Variants in C6orf62 observed in about 807,000 individuals in gnomAD.
C6orf62 encodes the protein uncharacterized protein C6orf62.
In C6orf62, 16 loss-of-function variants were observed where a neutral mutation model predicts 26.8. The ratio of observed to expected loss-of-function variants is 0.60; its 90% CI spans 0.40 to 0.91. The LOEUF (loss-of-function observed/expected upper bound fraction) is 0.91, where lower values mean the gene tolerates loss of function less well. Among genes scored for constraint, C6orf62 ranks in the 40% least tolerant of loss-of-function variants. The pLI is 0.00. For missense variants in C6orf62, 192 were observed against 271.4 expected, an observed-to-expected ratio of 0.71 and a Z score of 2.06; for synonymous variants, 112 against 91.5, an observed-to-expected ratio of 1.22 and a Z score of -1.28.
intron 1 of C6orf62, among the ~76,000 whole-genome samples, chr6:24,717,847 T>C (rs1460229944): frequency 1.3e-5 from 2 of 152,274 alleles, no homozygotes; most frequent in African/African-American, 2.4e-5. Context: ...CAAAAAATAC[T>C]GCTCTTATCA....
intron 3 of C6orf62, among the ~76,000 whole-genome samples, chr6:24,713,048 G>A (rs1284838334): frequency 3.9e-5 from 6 of 152,090 alleles, no homozygotes; most frequent in African/African-American, 4.8e-5. Flanking sequence ...TTAAATGACC[G>A]AAATACAGAT....
intron 3 of C6orf62, among the ~76,000 whole-genome samples, chr6:24,713,787 A>T (rs1562170206): frequency 6.6e-6 from 1 of 152,226 alleles, no homozygotes; most frequent in Non-Finnish European, 1.5e-5. Context: ...AAATGCCCTT[A>T]ACACTAGAGG....
intron 4 of C6orf62, 122 bp from the exon 5 acceptor site, chr6:24,706,384 T>G: frequency 1.4e-6 from 2 of 1,386,104 alleles, no homozygotes; most frequent in East Asian, 5.0e-5. Flanking sequence ...CAAATTGTAG[T>G]CCCTATCCAT....
At chr6:24,707,772 G>T (rs1779037701) in intron 4 of C6orf62, among the ~76,000 whole-genome samples, 1 of 152,030 alleles carries the variant, frequency 6.6e-6, no homozygotes, top group African/African-American at 2.4e-5. Context: ...GGTAGGCCAA[G>T]GCAGGCAGAT....
intron 2 of C6orf62, among the ~76,000 whole-genome samples, chr6:24,715,870 A>AAG (rs146648741): frequency 2.0e-5 from 3 of 146,348 alleles, no homozygotes; most frequent in African/African-American, 7.9e-5. Flanking sequence ...AAAAAAAAAA[A>AAG]GTCCGAGATC....
chr6:24,708,660 T>C, intron 4 of C6orf62, 117 bp downstream of exon 4: 1 of 1,406,380 alleles, frequency 7.1e-7, no homozygotes, highest in Non-Finnish European at 9.8e-7. Flanking sequence ...TTTAAATAAC[T>C]TCAAAAATAA....
chr6:24,720,389 G>C, upstream of C6orf62: 1 of 1,175,252 alleles, frequency 8.5e-7, no homozygotes, highest in Non-Finnish European at 1.1e-6. Context: ...TGCGCACCGT[G>C]ACTGGACCGC....
intron 3 of C6orf62, 75 bp downstream of exon 3, chr6:24,714,243 T>C (rs750637809): frequency 5.2e-6 from 6 of 1,158,276 alleles, no homozygotes; most frequent in Non-Finnish European, 7.1e-6. Flanking sequence ...CCCAAAGAAT[T>C]TCTCAAGTTA....
At chr6:24,719,388 A>C, upstream of C6orf62, 6 of 1,008,428 alleles carry the variant, frequency 5.9e-6, no homozygotes, top group Non-Finnish European at 7.1e-6. Context: ...AGAGAAGGAA[A>C]GGGAGAGGTA....
rs779197723 is a variant in C6orf62 at position 24,706,266 on chromosome 6, G to A, written c.565-4C>T. 1.1e-5 allele frequency: 17 copies of A among 1,613,968 alleles called. No homozygotes were observed. Among genetic ancestry groups the A allele is most frequent in the Admixed American group, 1.7e-5 (1 of 59,984 alleles). On this transcript the variant is annotated splice_region_variant and splice_polypyrimidine_tract_variant and intron_variant, in intron 4 of 4. Coordinates refer to ENST00000378119, the MANE Select transcript of C6orf62 (RefSeq NM_030939.5). ...TTGTAGCTTTGTTTTTTGGAGTCTG[G>A]AAGGGGAAAACATTTTAATATTTTT...
At position 24,705,015 on chromosome 6, in the gene C6orf62, G is replaced by C. The variant is rs1562166194; in HGVS notation, c.*1122C>G. The C allele has an allele frequency of 6.8e-6, 1 of 147,006 alleles. No homozygotes were observed. Among genetic ancestry groups the C allele is most frequent in the African/African-American group, 2.5e-5 (1 of 39,564 alleles). 9.1% of individuals were successfully genotyped at this position (147,006 alleles called of 1,614,324 possible). ...TACTCCAAAGGAGTAGGATCATTCA[G>C]ATTTACTCCAATAAAAGTATGCAAC... On this transcript the variant is annotated 3_prime_UTR_variant, in exon 5 of 5. Coordinates refer to ENST00000378119, the MANE Select transcript of C6orf62 (RefSeq NM_030939.5).
chr6:24,710,602 A>G (rs1779101970), intron 3 of C6orf62: 1 of 984,198 alleles, frequency 1.0e-6, no homozygotes, highest in African/African-American at 1.7e-5. Flanking sequence ...ATAGGAGAAA[A>G]AAAAAAAAGT....
intron 3 of C6orf62, among the ~76,000 whole-genome samples, chr6:24,712,408 T>C (rs182214990): frequency 6.6e-5 from 10 of 151,672 alleles, no homozygotes; most frequent in East Asian, 3.9e-4. Context: ...TGGTGGCTCA[T>C]ACCTGTAATC....
chr6:24,713,859 T>G (rs1293310354), intron 3 of C6orf62, among the ~76,000 whole-genome samples: 6 of 152,222 alleles, frequency 3.9e-5, no homozygotes, highest in Non-Finnish European at 2.9e-5. Context: ...AGCAAGATTT[T>G]AAGGTTAAGA....
At chr6:24,716,070 A>AG (rs1354605932) in intron 2 of C6orf62, 78 bp downstream of exon 2, 5 of 1,094,218 alleles carry the variant, frequency 4.6e-6, no homozygotes, top group South Asian at 4.2e-5. Context: ...ATCCACTTTA[A>AG]GGGGGGTTCG....
rs1378638991 is a variant in C6orf62 at position 24,718,777 on chromosome 6, ATGAT to A, written c.-113_-110del. The A allele has an allele frequency of 5.1e-6, 8 of 1,565,864 alleles. No individual in the cohort carries two copies. The highest frequency in any genetic ancestry group is 2.8e-5 in the African/African-American group (2 of 72,224). On this transcript the variant is annotated 5_prime_UTR_variant, in exon 1 of 5. Coordinates refer to ENST00000378119, the MANE Select transcript of C6orf62 (RefSeq NM_030939.5). ...ACAAGTCATTTTTTTTCCTGCTAAT[ATGAT>A]TGATTAGCGAAAATCACGACTATAA...
chr6:24,716,822 C>T (rs577294316), intron 1 of C6orf62, among the ~76,000 whole-genome samples: 59 of 151,914 alleles, frequency 3.9e-4, no homozygotes, highest in Non-Finnish European at 5.7e-4. Flanking sequence ...CTCCTGGGTT[C>T]GAGGGGATCT....
chr6:24,711,676 TCAAAAAA>T (rs144392651), intron 3 of C6orf62, among the ~76,000 whole-genome samples: 6,005 of 151,520 alleles, frequency 0.04, 150 homozygotes, highest in East Asian at 0.073. Flanking sequence ...GCTTTAAGAG[TCAAAAAA>T]CAAAAAACAA....
rs887366675 is a variant in C6orf62, at chr6:24,709,290, C to T, written c.430-379G>A. The T allele has an allele frequency of 3.0e-6, 3 of 985,228 alleles. No individual in the cohort carries two copies. The African/African-American group carries it at 5.2e-5, about 17-fold the overall frequency. 61.0% of individuals were successfully genotyped at this position (985,228 alleles called of 1,614,324 possible). A position where few individuals can be genotyped will look rare whatever the true frequency, so the allele number is the denominator to read the frequency against. On this transcript the variant is annotated intron_variant, in intron 3 of 4. Coordinates refer to ENST00000378119, the MANE Select transcript of C6orf62 (RefSeq NM_030939.5). ...GCATCAAAATGACTAAATCCTAGTA[C>T]TCCACGATCATAAAATTGTATTTTC...
Sources: gnomAD v4.1 joint callset for allele counts (sites outside exome capture counted in the v4.1 genomes callset) on GRCh38, gnomAD v4.1.1 for gene constraint, MANE v1.5 for transcripts, NCBI Gene and HGNC (gene_info 2026-07-23, HGNC 2026-07-21) for gene names.